Variants in ANO4 observed in about 807,000 individuals in gnomAD.
ANO4 encodes the protein anoctamin 4.
In ANO4, 69 loss-of-function variants were observed where a neutral mutation model predicts 141.9. The ratio of observed to expected loss-of-function variants is 0.49; its 90% CI spans 0.40 to 0.59. The LOEUF (loss-of-function observed/expected upper bound fraction) is 0.59. ANO4 is among the 20% of genes least tolerant of loss of function. The pLI is 0.00. For missense variants in ANO4, 894 were observed against 1,162.2 expected, an observed-to-expected ratio of 0.77 and a Z score of 3.36; for synonymous variants, 350 against 394.3, an observed-to-expected ratio of 0.89 and a Z score of 1.33.
At chr12:100,765,337 C>G (rs1419177827) in intron 3 of ANO4, among the ~76,000 whole-genome samples, 2 of 150,528 alleles carry the variant, frequency 1.3e-5, no homozygotes, top group African/African-American at 4.9e-5. Flanking sequence ...TTTTCCAAGC[C>G]TAGCTAATGA....
intron 1 of ANO4, among the ~76,000 whole-genome samples, chr12:100,837,169 ATGT>A (rs1256574742): frequency 2.0e-5 from 3 of 152,184 alleles, no homozygotes; most frequent in Non-Finnish European, 4.4e-5. Context: ...GTTAATAAAA[ATGT>A]TGATGATGAT....
chr12:101,062,316 GT>G (rs1182010358), intron 14 of ANO4, among the ~76,000 whole-genome samples: 1 of 152,222 alleles, frequency 6.6e-6, no homozygotes. Context: ...TGAGGTGTCT[GT>G]CGACCCCTGC....
intron 25 of ANO4, among the ~76,000 whole-genome samples, chr12:101,119,606 A>G (rs1475865147): frequency 3.3e-5 from 5 of 152,226 alleles, no homozygotes; most frequent in African/African-American, 1.2e-4. Flanking sequence ...TAGTGACATA[A>G]TAGTAAAAAA....
At chr12:100,757,406 C>G (rs1427935318) in intron 3 of ANO4, among the ~76,000 whole-genome samples, 1 of 152,164 alleles carries the variant, frequency 6.6e-6, no homozygotes, top group Non-Finnish European at 1.5e-5. Context: ...ATTGTGTTGT[C>G]TAGAGAACAA....
chr12:100,819,144 A>G (rs571541755), intron 1 of ANO4, among the ~76,000 whole-genome samples: 1 of 151,896 alleles, frequency 6.6e-6, no homozygotes, highest in African/African-American at 2.4e-5. Context: ...AGGTGTTTAA[A>G]TGATGCAATA....
At chr12:100,971,579 G>T (rs552009727) in intron 6 of ANO4, among the ~76,000 whole-genome samples, 173 bp downstream of exon 6, 5 of 152,144 alleles carry the variant, frequency 3.3e-5, no homozygotes, top group African/African-American at 1.2e-4. Flanking sequence ...ATGATTTCAT[G>T]GCTTTTTGTG....
intron 1 of ANO4, among the ~76,000 whole-genome samples, chr12:100,817,491 C>A (rs1489527735): frequency 6.6e-6 from 1 of 151,812 alleles, no homozygotes; most frequent in Admixed American, 6.6e-5. Flanking sequence ...GCCAACTTAG[C>A]CATTTATCTA....
intron 1 of ANO4, among the ~76,000 whole-genome samples, chr12:100,854,540 T>C (rs961295076): frequency 3.3e-5 from 5 of 152,160 alleles, no homozygotes; most frequent in Admixed American, 6.5e-5. Context: ...TCTTTCATAT[T>C]TTTTATTTCT....
intron 26 of ANO4, among the ~76,000 whole-genome samples, chr12:101,126,435 A>G (rs1409979348): frequency 6.6e-6 from 1 of 152,212 alleles, no homozygotes; most frequent in East Asian, 1.9e-4. Flanking sequence ...CAAGATTTGT[A>G]AAGCACTTGA....
At chr12:100,785,027 A>T (rs1449888429) in intron 3 of ANO4, among the ~76,000 whole-genome samples, 1 of 152,084 alleles carries the variant, frequency 6.6e-6, no homozygotes, top group African/African-American at 2.4e-5. Context: ...TTCGTAAGAC[A>T]ACTTAAATTA....
chr12:100,734,300 A>G (rs1215531670), intron 2 of ANO4, among the ~76,000 whole-genome samples: 1 of 152,222 alleles, frequency 6.6e-6, no homozygotes, highest in Non-Finnish European at 1.5e-5. Flanking sequence ...GTGCTGCTGA[A>G]AATCAAAGTG....
At chr12:100,829,433 C>G (rs1045787606) in intron 1 of ANO4, among the ~76,000 whole-genome samples, 2 of 152,058 alleles carry the variant, frequency 1.3e-5, no homozygotes, top group Non-Finnish European at 2.9e-5. Flanking sequence ...TAATTCCTTT[C>G]CACTTTCATG....
chr12:101,079,398 A>G, intron 15 of ANO4, 123 bp downstream of exon 15: 1 of 788,062 alleles, frequency 1.3e-6, no homozygotes, highest in African/African-American at 1.8e-5. Flanking sequence ...AGCATTTTCA[A>G]TTGCCTTTTC....
In ANO4 at chr12:101,063,745, C is replaced by CTTTTTTTTTTTT; in HGVS notation, c.1312+15366_1312+15377dup. On this transcript the variant is annotated intron_variant, in intron 14 of 27. Coordinates refer to ENST00000392977, the MANE Select transcript of ANO4 (RefSeq NM_001286615.2). ...ATGGATGGAAGGTTGTCCAGGTTAT[C>CTTTTTTTTTTTT]TTTTTTTTTTTTTTTTTTTTTTTTT... 2.9e-3 allele frequency among the ~76,000 whole-genome samples: 72 copies of CTTTTTTTTTTTT among 24,806 alleles called. 11 individuals are homozygous for CTTTTTTTTTTTT. The highest frequency in any genetic ancestry group is 3.6e-3 in the Non-Finnish European group (54 of 14,954). The allele number at this position is 24,806 out of a possible 152,430, so 16.3% of individuals were successfully genotyped here.
chr12:100,778,447 G>A (rs1254883119), intron 3 of ANO4, among the ~76,000 whole-genome samples: 1 of 152,180 alleles, frequency 6.6e-6, no homozygotes, highest in South Asian at 2.1e-4. Flanking sequence ...AACATTTAGT[G>A]TTGCATTCTG....
At chr12:100,777,019 TC>T (rs1280192994) in intron 3 of ANO4, among the ~76,000 whole-genome samples, 1 of 152,142 alleles carries the variant, frequency 6.6e-6, no homozygotes, top group Non-Finnish European at 1.5e-5. Context: ...AATTTAGTCT[TC>T]ATTTTTACAG....
At chr12:100,984,529 A>G (rs1035858316) in intron 7 of ANO4, among the ~76,000 whole-genome samples, 1 of 152,190 alleles carries the variant, frequency 6.6e-6, no homozygotes. Context: ...AAAGCATTTC[A>G]TACTCACCAT....
chr12:100,767,596 G>A (rs1290390999), intron 3 of ANO4, among the ~76,000 whole-genome samples: 1 of 152,182 alleles, frequency 6.6e-6, no homozygotes, highest in Non-Finnish European at 1.5e-5. Flanking sequence ...GAATATACTG[G>A]ATAAAGGGAT....
intron 9 of ANO4, 121 bp downstream of exon 9, chr12:101,020,261 T>G: frequency 1.5e-6 from 1 of 655,986 alleles, no homozygotes; most frequent in Non-Finnish European, 2.6e-6. Context: ...AACCCCTAAC[T>G]AATCCTTTGA....
Sources: allele counts gnomAD v4.1 joint callset (sites outside exome capture counted in the v4.1 genomes callset), GRCh38; gene constraint gnomAD v4.1.1; transcripts MANE v1.5; gene names NCBI Gene and HGNC (gene_info 2026-07-23, HGNC 2026-07-21).